The following IL18RAP variants were observed in gnomAD, a reference collection of about 807,000 sequenced individuals.
IL18RAP encodes interleukin 18 receptor accessory protein, also known as interleukin-18 receptor accessory protein.
Under a neutral mutation model 58.1 loss-of-function variants are expected in IL18RAP, and 37 were observed. That is an observed-to-expected ratio of 0.64 (90% confidence interval 0.49 to 0.84). The LOEUF (loss-of-function observed/expected upper bound fraction) is 0.84. IL18RAP is among the 40% of genes least tolerant of loss of function. The pLI is 0.00. For missense variants in IL18RAP, 667 were observed against 704.8 expected (o/e 0.95, Z 0.61); for synonymous variants, 268 against 257.5 (o/e 1.04, Z -0.39).
At chr2:102,432,376 C>G (rs140293617) in intron 3 of IL18RAP, 1 of 154,158 alleles carries the variant, frequency 6.5e-6, no homozygotes, top group Non-Finnish European at 1.5e-5. Flanking sequence ...CAGAGCAATA[C>G]CCTTGTGTCT....
intron 3 of IL18RAP, chr2:102,434,982 A>T (rs917562233): frequency 6.6e-6 from 1 of 151,186 alleles, no homozygotes; most frequent in African/African-American, 2.4e-5. Flanking sequence ...TTTCCATAAT[A>T]TACTCCATTC....
At chr2:102,425,781 A>C in intron 3 of IL18RAP, among the ~76,000 whole-genome samples, 1 of 152,200 alleles carries the variant, frequency 6.6e-6, no homozygotes, top group Non-Finnish European at 1.5e-5. Context: ...AGTGAAAGCT[A>C]TGAATTTTTA....
rs1037107369 is a variant in IL18RAP at position 102,424,223 on chromosome 2, T to C, written c.396-8T>C. ...ATCTATGTTCACAGGATCTTGTTAA[T>C]TTCCTAGGAGCCCCTATGATGTAGC... On this transcript the variant is annotated splice_polypyrimidine_tract_variant and splice_region_variant and intron_variant, in intron 2 of 9. Transcript: ENST00000687160. The C allele has an allele frequency of 1.2e-6, 2 of 1,613,230 alleles. No homozygotes were observed. Among genetic ancestry groups the C allele is most frequent in the Non-Finnish European group, 1.7e-6 (2 of 1,179,590 alleles).
chr2:102,432,789 T>C (rs1221242093), intron 3 of IL18RAP, among the ~76,000 whole-genome samples: 1 of 152,224 alleles, frequency 6.6e-6, no homozygotes, highest in Non-Finnish European at 1.5e-5. Flanking sequence ...TTGGAGATTA[T>C]TAATTAAAAT....
At chr2:102,438,843 GA>G (rs1682918341) in intron 4 of IL18RAP, 1 of 152,250 alleles carries the variant, frequency 6.6e-6, no homozygotes, top group Admixed American at 6.5e-5. Context: ...ATTTTGAGAA[GA>G]AGACAAAGGT....
chr2:102,436,011 A>G (rs1013034592), intron 3 of IL18RAP, among the ~76,000 whole-genome samples: 1 of 152,132 alleles, frequency 6.6e-6, no homozygotes, highest in African/African-American at 2.4e-5. Flanking sequence ...TCTTTGTCCT[A>G]TGAGGATTAA....
intron 3 of IL18RAP, among the ~76,000 whole-genome samples, chr2:102,431,248 C>T (rs1682332351): frequency 1.3e-5 from 2 of 152,170 alleles, no homozygotes; most frequent in Non-Finnish European, 2.9e-5. Flanking sequence ...TCATCCCACT[C>T]TCTCCTGGCC....
At position 102,423,827 on chromosome 2, in the gene IL18RAP, A is replaced by C. The variant is rs767626133; in HGVS notation, c.87A>C (p.Lys29Asn). 4 of 1,610,820 alleles carry C rather than the reference A, an allele frequency of 2.5e-6. No individual in the cohort carries two copies. The highest frequency in any genetic ancestry group is 1.3e-5 in the African/African-American group (1 of 74,660). Residue 29 changes from lysine (K) to asparagine (N), a missense_variant, in exon 2 of 10, where the codon AAA becomes AAC. Coordinates refer to ENST00000687160, the MANE Select transcript of IL18RAP (RefSeq NM_001393487.1). Reference sequence around the variant, plus strand: ...GATTTTCAGGTTGTTCCACAAAAAAACTCCTTTGGACATATTCTACAAGGA... The same window carrying C: ...GATTTTCAGGTTGTTCCACAAAAAACCTCCTTTGGACATATTCTACAAGGA... ...GFNISGCSTKKLLWTYSTRSE... is the reference protein window; with the variant it reads ...GFNISGCSTKNLLWTYSTRSE...
chr2:102,444,456 G>A (rs1189533048), intron 6 of IL18RAP, among the ~76,000 whole-genome samples: 3 of 152,210 alleles, frequency 2.0e-5, no homozygotes, highest in African/African-American at 7.2e-5. Flanking sequence ...ACTGGGAGGC[G>A]TGGTTACAGC....
chr2:102,443,557 CA>C (rs1185298723), intron 6 of IL18RAP, among the ~76,000 whole-genome samples: 7 of 152,168 alleles, frequency 4.6e-5, no homozygotes, highest in Non-Finnish European at 1.0e-4. Context: ...AGCTATTGAG[CA>C]GACAGTTGTA....
chr2:102,443,469 C>A, intron 6 of IL18RAP, 146 bp downstream of exon 6: 1 of 837,364 alleles, frequency 1.2e-6, no homozygotes, highest in Non-Finnish European at 1.8e-6. Context: ...AAAGTGCAAA[C>A]GGCCGTTGAA....
intron 3 of IL18RAP, among the ~76,000 whole-genome samples, chr2:102,429,326 T>C (rs1171303781): frequency 6.6e-6 from 1 of 151,966 alleles, no homozygotes; most frequent in East Asian, 1.9e-4. Context: ...GGAATATATC[T>C]GTTTCTTTTA....
At chr2:102,426,972 T>C (rs1681990328) in intron 3 of IL18RAP, among the ~76,000 whole-genome samples, 1 of 152,114 alleles carries the variant, frequency 6.6e-6, no homozygotes, top group Admixed American at 6.6e-5. Context: ...TGAGTTCAAC[T>C]TTTTAAGGTT....
rs1683824261 is a variant in IL18RAP, at chr2:102,452,297, C to T, written c.*116C>T. 8 of 991,720 alleles carry T rather than the reference C, an allele frequency of 8.1e-6. No homozygotes were observed. The Admixed American group carries it at 1.9e-4, about 23-fold the overall frequency. 61.4% of individuals were successfully genotyped at this position (991,720 alleles called of 1,614,324 possible). The stretch of plus-strand genomic sequence containing the variant: ...ATAGGAAATTCAAAGAGTCTCCTGC[C>T]AGCACCAAGCAAGCTTGATGGACAA... On this transcript the variant is annotated 3_prime_UTR_variant, in exon 10 of 10. Transcript: ENST00000687160.
In IL18RAP at chr2:102,445,333, G is replaced by A; in HGVS notation, c.1065G>A (p.Lys355=). ...CCCAGTCCGTCCAACTGAAAGAAAA[G>A]AGAGGAGGTAAGCCCAGAAGGTTGC... ...NTTQSVQLKE[K]RGVVLLYILL... is the part of the protein sequence containing the mutation. Residue 355 remains lysine, a synonymous_variant, in exon 7 of 10, where the codon AAG becomes AAA. Transcript: ENST00000687160. 4 of 1,614,172 alleles carry A rather than the reference G, an allele frequency of 2.5e-6. No individual in the cohort carries two copies. The highest frequency in any genetic ancestry group is 2.5e-6 in the Non-Finnish European group (3 of 1,180,006).
At chr2:102,420,591 T>C (rs2104278218), upstream of IL18RAP, among the ~76,000 whole-genome samples, 1 of 152,304 alleles carries the variant, frequency 6.6e-6, no homozygotes, top group Non-Finnish European at 1.5e-5. Context: ...TAATTTGCTA[T>C]AGGCTTGGAC....
chr2:102,441,869 C>T (rs922517200), intron 5 of IL18RAP, among the ~76,000 whole-genome samples: 7 of 148,060 alleles, frequency 4.7e-5, no homozygotes, highest in African/African-American at 1.8e-4. Context: ...TCCTGGGTGG[C>T]AGAGCAAGAT....
At chr2:102,441,444 G>A (rs981735756) in intron 5 of IL18RAP, 67 bp downstream of exon 5, 3 of 1,222,334 alleles carry the variant, frequency 2.5e-6, no homozygotes, top group Non-Finnish European at 3.6e-6. Context: ...TGTGATAGAA[G>A]GAAAACAGCA....
At chr2:102,424,207 C>T (rs761428017) in intron 2 of IL18RAP, 24 bp from the exon 3 acceptor site, 1 of 1,612,046 alleles carries the variant, frequency 6.2e-7, no homozygotes, top group Non-Finnish European at 8.5e-7. Flanking sequence ...TATCTATGTT[C>T]ACAGGATCTT....
Sources: allele counts gnomAD v4.1 joint callset (sites outside exome capture counted in the v4.1 genomes callset), GRCh38; gene constraint gnomAD v4.1.1; transcripts MANE v1.5; gene names NCBI Gene and HGNC (gene_info 2026-07-23, HGNC 2026-07-21).